The following COL27A1 variants were observed in gnomAD, a reference collection of about 807,000 sequenced individuals.
COL27A1 encodes the protein collagen alpha-1(XXVII) chain.
A neutral mutation model predicts 251.3 loss-of-function variants in COL27A1; 106 were observed. The ratio of observed to expected loss-of-function variants is 0.42; its 90% CI spans 0.36 to 0.50. The LOEUF (loss-of-function observed/expected upper bound fraction) is 0.50, where lower values mean the gene tolerates loss of function less well. Ranked by LOEUF, COL27A1 falls within the 20% of genes least tolerant of loss-of-function variation. The probability of loss-of-function intolerance (pLI) is 0.00; values close to 1 mark genes in which losing one functional copy is unlikely to be tolerated. For synonymous variants in COL27A1, 1,000 were observed against 986.3 expected (o/e 1.01, Z -0.26); for missense variants, 2,325 against 2,522.8 (o/e 0.92, Z 1.68).
chr9:114,231,389 A>G (rs1078851), intron 15 of COL27A1, among the ~76,000 whole-genome samples: 105,003 of 152,000 alleles, frequency 0.69, 37,641 homozygotes, highest in South Asian at 0.87. Context: ...TCCAGGCCTC[A>G]GGGCACCGGA....
At position 114,292,149 on chromosome 9, in the gene COL27A1, G is replaced by T. The variant is rs1588884046; in HGVS notation, c.4523G>T (p.Gly1508Val). The change falls in exon 49 of 61, where the codon GGA becomes GTA. Residue 1508 changes from glycine to valine, a missense_variant. This residue lies in a region of COL27A1 where 153 missense variants were observed against 140.7 expected (regional missense o/e 1.09). Transcript: ENST00000356083. ...PGQLGPPGKR[G>V]TEGRTGLPGN... ...CAGCTGGGTCCCCCTGGCAAGCGAG[G>T]AACAGAGGGCAGAACGGGGCTCCCT... 13 of 1,562,570 alleles carry T rather than the reference G, an allele frequency of 8.3e-6. No homozygotes were observed. The East Asian group carries it at 3.1e-4, about 37-fold the overall frequency.
At chr9:114,211,509 A>G (rs2135339930) in intron 12 of COL27A1, among the ~76,000 whole-genome samples, 1 of 152,362 alleles carries the variant, frequency 6.6e-6, no homozygotes, top group East Asian at 1.9e-4. Context: ...GGCATGACCG[A>G]AAGAGGGGCT....
intron 28 of COL27A1, among the ~76,000 whole-genome samples, chr9:114,261,518 G>A (rs891163216): frequency 6.6e-6 from 1 of 152,198 alleles, no homozygotes; most frequent in African/African-American, 2.4e-5. Flanking sequence ...GGGGAGACAG[G>A]GTGGCTGGTG....
rs558043406 is a variant in COL27A1, at chr9:114,208,404, G to A, written c.2269-1271G>A. Among the ~76,000 whole-genome samples the A allele has an allele frequency of 4.6e-5, 7 of 152,076 alleles. No individual in the cohort carries two copies. In the East Asian group the frequency reaches 7.7e-4, roughly 17 times the overall value. ...GCAGAGGTTGCAGTAAGCCACGATC[G>A]CACCACTGCACTCCAGCCTGGATGA... On this transcript the variant is annotated intron_variant, in intron 10 of 60. Coordinates refer to ENST00000356083, the MANE Select transcript of COL27A1 (RefSeq NM_032888.4).
At chr9:114,257,620 C>T (rs1834016435) in intron 27 of COL27A1, among the ~76,000 whole-genome samples, 1 of 152,148 alleles carries the variant, frequency 6.6e-6, no homozygotes, top group Admixed American at 6.5e-5. Flanking sequence ...TTGCCCGGGG[C>T]TGGGCCTTGC....
intron 4 of COL27A1, among the ~76,000 whole-genome samples, chr9:114,182,782 C>T (rs974584885): frequency 6.6e-6 from 1 of 152,238 alleles, no homozygotes; most frequent in African/African-American, 2.4e-5. Context: ...AACAACACCA[C>T]CTACCTTCCA....
chr9:114,177,929 A>G (rs531027675), intron 3 of COL27A1, among the ~76,000 whole-genome samples: 1 of 152,256 alleles, frequency 6.6e-6, no homozygotes, highest in African/African-American at 2.4e-5. Context: ...CTTTGAGGAG[A>G]CTGTCATCTG....
At chr9:114,255,399 C>T (rs1000849352) in intron 27 of COL27A1, among the ~76,000 whole-genome samples, 6 of 152,150 alleles carry the variant, frequency 3.9e-5, no homozygotes, top group African/African-American at 1.4e-4. Context: ...GGTACATCAT[C>T]GAGTTCTATC....
intron 49 of COL27A1, among the ~76,000 whole-genome samples, chr9:114,296,336 A>G (rs540629922): frequency 3.2e-4 from 48 of 152,362 alleles, no homozygotes; most frequent in African/African-American, 1.1e-3. Flanking sequence ...GGAACCTAAA[A>G]AGAACTCGCA....
intron 1 of COL27A1, among the ~76,000 whole-genome samples, chr9:114,160,899 A>G (rs1848454946): frequency 6.6e-6 from 1 of 152,184 alleles, no homozygotes; most frequent in Non-Finnish European, 1.5e-5. Context: ...TGGGAGTAGC[A>G]TGTGCAAAAG....
chr9:114,186,022 A>T (rs888117294), intron 5 of COL27A1, among the ~76,000 whole-genome samples: 1 of 152,116 alleles, frequency 6.6e-6, no homozygotes, highest in Non-Finnish European at 1.5e-5. Flanking sequence ...AGGCCAAGGG[A>T]CCTTGCCTAG....
chr9:114,309,221 G>T, intron 59 of COL27A1, 39 bp from the exon 60 acceptor site: 1 of 1,581,136 alleles, frequency 6.3e-7, no homozygotes, highest in Non-Finnish European at 8.7e-7. Context: ...GGGGTGTGGG[G>T]GGCAGCCTGA....
rs540082463 is a variant in COL27A1, at chr9:114,311,653, C to T, written c.*958C>T. 1.3e-5 allele frequency: 2 copies of T among 152,042 alleles called. No individual in the cohort carries two copies. Among genetic ancestry groups the T allele is most frequent in the Non-Finnish European group, 2.9e-5 (2 of 68,016 alleles). 9.4% of individuals were successfully genotyped at this position (152,042 alleles called of 1,614,324 possible). A position where few individuals can be genotyped will look rare whatever the true frequency, so the allele number is the denominator to read the frequency against. Reference sequence around the variant, plus strand: ...ACTTATGGACTTTGAAATGTCTGTCCTTTTAAGGCAGCAGGGAGGCCTGGG... The same window carrying T: ...ACTTATGGACTTTGAAATGTCTGTCTTTTTAAGGCAGCAGGGAGGCCTGGG... On this transcript the variant is annotated 3_prime_UTR_variant, in exon 61 of 61. Transcript: ENST00000356083.
intron 41 of COL27A1, 49 bp downstream of exon 41, chr9:114,284,826 G>A (rs777984400): frequency 9.4e-6 from 15 of 1,603,326 alleles, no homozygotes; most frequent in Non-Finnish European, 1.3e-5. Context: ...GTCTGAGGCT[G>A]AGGTCAGCTT....
chr9:114,304,811 C>A (rs1003589922), intron 57 of COL27A1, 138 bp downstream of exon 57: 10 of 713,754 alleles, frequency 1.4e-5, no homozygotes, highest in South Asian at 3.5e-5. Flanking sequence ...CATCTCGCAT[C>A]CACAAATGGG....
At chr9:114,258,308 TC>T (rs1445721975) in intron 27 of COL27A1, among the ~76,000 whole-genome samples, 1 of 152,132 alleles carries the variant, frequency 6.6e-6, no homozygotes, top group African/African-American at 2.4e-5. Flanking sequence ...TCGAGGCCCA[TC>T]CCCCTATAGC....
intron 12 of COL27A1, among the ~76,000 whole-genome samples, chr9:114,215,546 A>T (rs1384033290): frequency 6.6e-6 from 1 of 152,128 alleles, no homozygotes; most frequent in Non-Finnish European, 1.5e-5. Context: ...GGGTAAAAAC[A>T]TGTTTAGACC....
chr9:114,178,211 G>A, intron 3 of COL27A1, 80 bp from the exon 4 acceptor site: 1 of 1,200,676 alleles, frequency 8.3e-7, no homozygotes, highest in Admixed American at 1.7e-5. Flanking sequence ...GCTGCAGGCG[G>A]GATTGTTGAA....
intron 28 of COL27A1, among the ~76,000 whole-genome samples, chr9:114,260,345 G>A (rs1191870874): frequency 2.0e-5 from 3 of 152,104 alleles, no homozygotes; most frequent in Non-Finnish European, 4.4e-5. Flanking sequence ...CTATGAGATC[G>A]GCCCCCTGGG....
Sources: allele counts gnomAD v4.1 joint callset (sites outside exome capture counted in the v4.1 genomes callset), GRCh38; gene constraint gnomAD v4.1.1; regional missense constraint gnomAD v4.1.1; transcripts MANE v1.5; gene names NCBI Gene and HGNC (gene_info 2026-07-23, HGNC 2026-07-21).